Variants in DNAJC13 observed in about 807,000 individuals in gnomAD.
DNAJC13 encodes dnaJ homolog subfamily C member 13.
In DNAJC13, 75 loss-of-function variants were observed where a neutral mutation model predicts 290.5. That is an observed-to-expected ratio of 0.26 (90% CI 0.21 to 0.31). DNAJC13 has a LOEUF of 0.31. Ranked by LOEUF, DNAJC13 falls within the 10% of genes least tolerant of loss-of-function variation. The probability of loss-of-function intolerance (pLI) is 1.00; values close to 1 mark genes in which losing one functional copy is unlikely to be tolerated. For missense variants in DNAJC13, 2,260 were observed against 2,674.5 expected (o/e 0.85, Z 3.42); for synonymous variants, 862 against 892.0 (o/e 0.97, Z 0.60).
At chr3:132,532,912 A>AATT (rs78689169) in intron 55 of DNAJC13, among the ~76,000 whole-genome samples, 1,523 of 141,826 alleles carry the variant, frequency 0.011, 28 homozygotes, top group East Asian at 0.031. Context: ...TAATTTTTGT[A>AATT]ATTATTATTA....
chr3:132,494,171 G>T lies in DNAJC13; in HGVS notation c.3853G>T (p.Ala1285Ser), dbSNP rs774924359. 54 of 1,612,270 alleles carry T rather than the reference G, an allele frequency of 3.3e-5. No individual in the cohort carries two copies. The highest frequency in any genetic ancestry group is 5.4e-5 in the African/African-American group (4 of 74,762). Residue 1285 changes from alanine to serine, a missense_variant, in exon 34 of 56, where the codon GCC (alanine) becomes TCC (serine). By Grantham distance (99) the Ala-to-Ser change is moderately conservative (BLOSUM62 1). Coordinates refer to ENST00000260818, the MANE Select transcript of DNAJC13 (RefSeq NM_015268.4). Reference sequence around the variant, plus strand: ...TAAGCTTCTAAAAGATACCCTTGATGCCTGGAAGAAAGAAGTAGAAAAGAA... The same window carrying T: ...TAAGCTTCTAAAAGATACCCTTGATTCCTGGAAGAAAGAAGTAGAAAAGAA... ...PVKLLKDTLD[A>S]WKKEVEKKPP... is the part of the protein sequence containing the mutation.
intron 4 of DNAJC13, 93 bp downstream of exon 4, chr3:132,447,563 C>T (rs903067931): frequency 8.3e-7 from 1 of 1,204,200 alleles, no homozygotes; most frequent in African/African-American, 1.6e-5. Flanking sequence ...TGTTCTCTGC[C>T]CCTGTACCCA....
chr3:132,466,509 A>T, intron 19 of DNAJC13, 115 bp downstream of exon 19: 1 of 735,916 alleles, frequency 1.4e-6, no homozygotes, highest in Non-Finnish European at 2.0e-6. Context: ...TGCATTGAAT[A>T]GTATACTTAA....
At chr3:132,488,533 C>A in intron 30 of DNAJC13, 81 bp downstream of exon 30, 1 of 1,306,832 alleles carries the variant, frequency 7.7e-7, no homozygotes, top group Non-Finnish European at 1.0e-6. Flanking sequence ...TTTGTGAGTA[C>A]CTTATTGCTT....
intron 20 of DNAJC13, among the ~76,000 whole-genome samples, chr3:132,471,345 ACC>A (rs1313255346): frequency 7.8e-5 from 6 of 77,040 alleles, no homozygotes; most frequent in Admixed American, 1.4e-4. Flanking sequence ...CGGGGGGTTG[ACC>A]CCCCCCCACC....
intron 16 of DNAJC13, 74 bp downstream of exon 16, chr3:132,462,597 G>A: frequency 9.6e-7 from 1 of 1,043,412 alleles, no homozygotes; most frequent in East Asian, 2.5e-5. Context: ...TGACAATATT[G>A]CCTTTCAGTC....
chr3:132,453,462 T>G lies in DNAJC13; in HGVS notation c.702T>G (p.Ser234=). 1.2e-6 allele frequency: 2 copies of G among 1,613,960 alleles called. No individual in the cohort carries two copies. The highest frequency in any genetic ancestry group is 1.7e-6 in the Non-Finnish European group (2 of 1,179,908). ...ACAGCACTGATGAATCCATCACATC[T>G]TTAGCAGAGTTTGTAGTCCAAAAAA... ...GKYSTDESIT[S]LAEFVVQKIS... Residue 234 remains serine (S), a synonymous_variant, in exon 7 of 56, where the codon TCT becomes TCG. Transcript: ENST00000260818.
chr3:132,470,746 A>G (rs1934195438), intron 20 of DNAJC13, among the ~76,000 whole-genome samples: 1 of 105,648 alleles, frequency 9.5e-6, no homozygotes. Context: ...GCGGCCGGGC[A>G]GAGGCGCCCC....
intron 1 of DNAJC13, among the ~76,000 whole-genome samples, chr3:132,419,370 G>A (rs1453662367): frequency 6.7e-6 from 1 of 148,968 alleles, no homozygotes; most frequent in Non-Finnish European, 1.5e-5. Context: ...AACAAGCTTA[G>A]TTGTAAACAA....
Position 132,434,489 on chromosome 3 carries a change from T to TAG in DNAJC13, c.-13-49_-13-48insAG, listed in dbSNP as rs10662251. ...CTTTCTTAGGGGAATCTTGGAAAGA[T>TAG]TAAAGATATATAACATGTACTAAGT... On this transcript the variant is annotated intron_variant, in intron 1 of 55. Coordinates refer to ENST00000260818, the MANE Select transcript of DNAJC13 (RefSeq NM_015268.4). 306,413 of 1,351,776 alleles carry TAG rather than the reference T, an allele frequency of 0.23. 38,735 individuals carry two copies. The highest frequency in any genetic ancestry group is 0.5 in the African/African-American group (34,059 of 67,956). 83.7% of individuals were successfully genotyped at this position (1,351,776 alleles called of 1,614,324 possible).
intron 43 of DNAJC13, among the ~76,000 whole-genome samples, chr3:132,509,196 A>G (rs934198994): frequency 6.6e-6 from 1 of 152,242 alleles, no homozygotes; most frequent in Non-Finnish European, 1.5e-5. Context: ...TTTGTGATTC[A>G]TGGGAGGAGG....
chr3:132,490,849 G>A, intron 31 of DNAJC13, 48 bp from the exon 32 acceptor site: 1 of 1,431,614 alleles, frequency 7.0e-7, no homozygotes, highest in South Asian at 1.5e-5. Flanking sequence ...AAAATTGAAA[G>A]TTAACTTTAG....
intron 12 of DNAJC13, 145 bp from the exon 13 acceptor site, chr3:132,457,124 G>T: frequency 1.4e-6 from 1 of 706,386 alleles, no homozygotes; most frequent in Non-Finnish European, 2.3e-6. Context: ...AAACTATTAT[G>T]AAGACTGATA....
chr3:132,488,233 A>G (rs925226207), intron 29 of DNAJC13, 65 bp from the exon 30 acceptor site: 26 of 1,450,880 alleles, frequency 1.8e-5, no homozygotes, highest in Non-Finnish European at 2.2e-5. Context: ...CATATGAAAT[A>G]AAAAACCTAA....
chr3:132,476,919 T>C (rs1362498946), intron 22 of DNAJC13, among the ~76,000 whole-genome samples: 1 of 152,218 alleles, frequency 6.6e-6, no homozygotes, highest in Admixed American at 6.5e-5. Context: ...TCTCTGCCTA[T>C]CCCCATTTCC....
intron 20 of DNAJC13, among the ~76,000 whole-genome samples, chr3:132,468,071 A>G (rs1489083391): frequency 6.6e-6 from 1 of 152,204 alleles, no homozygotes; most frequent in Non-Finnish European, 1.5e-5. Context: ...TGCGTACTTA[A>G]ATTTTGTAAT....
intron 21 of DNAJC13, among the ~76,000 whole-genome samples, chr3:132,474,695 G>A (rs2107688706): frequency 6.6e-6 from 1 of 150,570 alleles, no homozygotes; most frequent in South Asian, 2.1e-4. Flanking sequence ...ACATACAAAA[G>A]GTAAAAGAAT....
intron 54 of DNAJC13, among the ~76,000 whole-genome samples, chr3:132,530,518 C>G (rs897495879): frequency 2.6e-5 from 4 of 152,088 alleles, no homozygotes; most frequent in African/African-American, 9.7e-5. Context: ...CTATATTGAC[C>G]AATTTTGTTT....
At chr3:132,434,184 T>G (rs1178276825) in intron 1 of DNAJC13, among the ~76,000 whole-genome samples, 1 of 149,732 alleles carries the variant, frequency 6.7e-6, no homozygotes, top group Non-Finnish European at 1.5e-5. Context: ...CACTCCAGCC[T>G]GGGCGACAGT....
Sources: allele counts gnomAD v4.1 joint callset (sites outside exome capture counted in the v4.1 genomes callset), GRCh38; gene constraint gnomAD v4.1.1; transcripts MANE v1.5; gene names NCBI Gene and HGNC (gene_info 2026-07-23, HGNC 2026-07-21).